The following ZDHHC11B variants were observed in gnomAD, a reference collection of about 807,000 sequenced individuals.
The protein encoded by ZDHHC11B is zDHHC palmitoyltransferase 11B (putative), also known as probable palmitoyltransferase ZDHHC11B.
A neutral mutation model predicts 42.3 loss-of-function variants in ZDHHC11B; 17 were observed. The observed-to-expected ratio is 0.40, with a 90% CI of 0.27 to 0.60. ZDHHC11B has a LOEUF of 0.60. Ranked by LOEUF, ZDHHC11B falls within the 20% of genes least tolerant of loss-of-function variation. The pLI is 0.41. For missense variants in ZDHHC11B, 262 were observed against 463.2 expected (o/e 0.57, Z 3.99); for synonymous variants, 123 against 193.5 (o/e 0.64, Z 3.02).
In ZDHHC11B at chr5:745,301, G is replaced by A. The variant is rs1303070049; in HGVS notation, c.785-3C>T. The A allele has an allele frequency of 4.4e-6, 7 of 1,602,372 alleles. No individual in the cohort carries two copies. The highest frequency in any genetic ancestry group is 6.0e-6 in the Non-Finnish European group (7 of 1,172,910). ...AAAGGTGGTCATCTTCTTGGCCTCTGGAAAGGGAAAAGGAGGAACAGGACA... is the reference window on the plus strand; with the variant it reads ...AAAGGTGGTCATCTTCTTGGCCTCTAGAAAGGGAAAAGGAGGAACAGGACA... On this transcript the variant is annotated splice_region_variant and splice_polypyrimidine_tract_variant and intron_variant, in intron 8 of 13. Coordinates refer to ENST00000508859, the MANE Select transcript of ZDHHC11B (RefSeq NM_001351303.2).
At chr5:732,690 A>C in intron 11 of ZDHHC11B, 1 of 441,080 alleles carries the variant, frequency 2.3e-6, no homozygotes, top group Non-Finnish European at 4.5e-6. Context: ...AGGACAAGTC[A>C]CCTGTAACCT....
chr5:765,959 C>T (rs1299640433), intron 4 of ZDHHC11B, among the ~76,000 whole-genome samples: 4 of 151,948 alleles, frequency 2.6e-5, no homozygotes, highest in Non-Finnish European at 5.9e-5. Flanking sequence ...ACACATCCTA[C>T]TTTCAGAAAT....
intron 10 of ZDHHC11B, among the ~76,000 whole-genome samples, chr5:736,487 G>A (rs1472212019): frequency 6.7e-6 from 1 of 149,634 alleles, no homozygotes; most frequent in Non-Finnish European, 1.5e-5. Flanking sequence ...GATATTTACA[G>A]AACATTCTAC....
At position 775,369 on chromosome 5, in the gene ZDHHC11B, T is replaced by C. The variant is rs1362607699; in HGVS notation, c.-229-6439A>G. Among the ~76,000 whole-genome samples the C allele has an allele frequency of 3.3e-5, 5 of 151,894 alleles. No individual in the cohort carries two copies. The East Asian group carries it at 9.6e-4, about 29-fold the overall frequency. ...TGAAGGGGTGCAGCCGCTCCCCATCTCCCTCGCACCCGATGGCCTCATGCA... is the reference window on the plus strand; with the variant it reads ...TGAAGGGGTGCAGCCGCTCCCCATCCCCCTCGCACCCGATGGCCTCATGCA... On this transcript the variant is annotated intron_variant, in intron 1 of 13. Transcript: ENST00000508859.
At chr5:749,038 A>G in intron 7 of ZDHHC11B, among the ~76,000 whole-genome samples, 1 of 97,998 alleles carries the variant, frequency 1.0e-5, no homozygotes, top group African/African-American at 3.0e-5. Context: ...CCCCTTCCTC[A>G]CTAAGTGCCA....
At chr5:783,031 C>T (rs1736971795) in intron 1 of ZDHHC11B, among the ~76,000 whole-genome samples, 1 of 151,906 alleles carries the variant, frequency 6.6e-6, no homozygotes, top group African/African-American at 2.4e-5. Context: ...AAAACGCAGC[C>T]AGTGACCAGC....
Position 779,071 on chromosome 5 carries a change from G to A in ZDHHC11B, c.-230+5597C>T, listed in dbSNP as rs532872501. Among the ~76,000 whole-genome samples the A allele has an allele frequency of 7.9e-5, 12 of 151,398 alleles. No individual in the cohort carries two copies. The South Asian group carries it at 2.3e-3, about 29-fold the overall frequency. The stretch of plus-strand genomic sequence containing the variant: ...TCCAGCCTCCAGAACTGTGAGAAGT[G>A]AACATATCATTTCATAAATTACCAT... On this transcript the variant is annotated intron_variant, in intron 1 of 13. Coordinates refer to ENST00000508859, the MANE Select transcript of ZDHHC11B (RefSeq NM_001351303.2).
chr5:730,375 T>C, intron 12 of ZDHHC11B, 59 bp downstream of exon 12: 2 of 1,529,050 alleles, frequency 1.3e-6, no homozygotes, highest in South Asian at 1.3e-5. Context: ...TCCTAGGTAA[T>C]TTGAGTTCAG....
At position 749,217 on chromosome 5, in the gene ZDHHC11B, G is replaced by A. The variant is rs536479799; in HGVS notation, c.629-658C>T. The stretch of plus-strand genomic sequence containing the variant: ...GGACCCTCTGCACCCTAAAACAGCC[G>A]CCTTCAAATAGAACAGGAAAGCCAC... On this transcript the variant is annotated intron_variant, in intron 7 of 13. Transcript: ENST00000508859. Among the ~76,000 whole-genome samples, 42 of 129,690 alleles carry A rather than the reference G, an allele frequency of 3.2e-4. 2 individuals carry two copies. The highest frequency in any genetic ancestry group is 9.8e-4 in the Admixed American group (11 of 11,266). 85.1% of individuals were successfully genotyped at this position (129,690 alleles called of 152,430 possible).
At chr5:713,566 G>T (rs1218327944) in intron 13 of ZDHHC11B, among the ~76,000 whole-genome samples, 3 of 151,972 alleles carry the variant, frequency 2.0e-5, no homozygotes, top group Admixed American at 6.6e-5. Flanking sequence ...AATCTTTGAG[G>T]CTTAGGATGA....
intron 11 of ZDHHC11B, among the ~76,000 whole-genome samples, chr5:731,347 C>T (rs1743006914): frequency 6.7e-6 from 1 of 149,772 alleles, no homozygotes; most frequent in East Asian, 1.9e-4. Context: ...CCACCCAAAG[C>T]TCTGGGATTT....
intron 1 of ZDHHC11B, among the ~76,000 whole-genome samples, chr5:773,680 G>A (rs540971965): frequency 6.6e-6 from 1 of 151,834 alleles, no homozygotes. Context: ...CCAGGTGCCT[G>A]CTCACAGCAC....
chr5:760,496 C>T (rs1410870820), intron 4 of ZDHHC11B, among the ~76,000 whole-genome samples: 5 of 151,528 alleles, frequency 3.3e-5, no homozygotes, highest in Non-Finnish European at 7.4e-5. Context: ...GATTCCAGAC[C>T]CCGGGCCCCA....
chr5:766,041 T>A (rs1579426246), intron 4 of ZDHHC11B, among the ~76,000 whole-genome samples: 1 of 151,892 alleles, frequency 6.6e-6, no homozygotes, highest in African/African-American at 2.4e-5. Context: ...CACACATCCA[T>A]GTCTCAGTGA....
intron 6 of ZDHHC11B, among the ~76,000 whole-genome samples, chr5:752,551 G>A (rs1399810261): frequency 1.1e-5 from 1 of 88,828 alleles, no homozygotes; most frequent in Non-Finnish European, 2.6e-5. Context: ...GTTCACCTAA[G>A]CTTGTTTAAA....
At chr5:747,857 A>AGGTTTCCTTGGG (rs1745038628) in intron 8 of ZDHHC11B, 2 of 203,206 alleles carry the variant, frequency 9.8e-6, no homozygotes, top group African/African-American at 4.5e-5. Flanking sequence ...CTTCCAACAC[A>AGGTTTCCTTGGG]GGTTTCCTTG....
intron 12 of ZDHHC11B, among the ~76,000 whole-genome samples, chr5:726,348 G>C (rs1306985295): frequency 2.0e-5 from 3 of 150,260 alleles, no homozygotes; most frequent in Non-Finnish European, 4.4e-5. Flanking sequence ...GGACCAGCTG[G>C]ATCCAAACTG....
chr5:730,057 G>A (rs1382235268), intron 12 of ZDHHC11B, among the ~76,000 whole-genome samples: 1 of 151,464 alleles, frequency 6.6e-6, no homozygotes, highest in Non-Finnish European at 1.5e-5. Context: ...TGCAGTGTTG[G>A]GGCAGAGCTG....
chr5:719,208 T>G, intron 12 of ZDHHC11B, among the ~76,000 whole-genome samples: 1 of 151,720 alleles, frequency 6.6e-6, no homozygotes, highest in East Asian at 1.9e-4. Flanking sequence ...AAGCACTTGA[T>G]TTTTAGAGAT....
Sources: gnomAD v4.1 joint callset for allele counts (sites outside exome capture counted in the v4.1 genomes callset) on GRCh38, gnomAD v4.1.1 for gene constraint, MANE v1.5 for transcripts, NCBI Gene and HGNC (gene_info 2026-07-23, HGNC 2026-07-21) for gene names.